Variants in DGKB observed in about 807,000 individuals in gnomAD.
DGKB encodes diacylglycerol kinase beta.
A neutral mutation model predicts 114.3 loss-of-function variants in DGKB; 67 were observed. The ratio of observed to expected loss-of-function variants is 0.59; its 90% CI spans 0.48 to 0.72. DGKB has a LOEUF of 0.72. Ranked by LOEUF, DGKB falls within the 30% of genes least tolerant of loss-of-function variation. DGKB has a pLI of 0.00. For missense variants in DGKB, 907 were observed against 975.2 expected (o/e 0.93, Z 0.93); for synonymous variants, 398 against 323.1 (o/e 1.23, Z -2.49).
intron 1 of DGKB, among the ~76,000 whole-genome samples, chr7:14,968,855 G>T (rs1036504116): frequency 1.5e-4 from 23 of 152,222 alleles, no homozygotes; most frequent in African/African-American, 4.8e-4. Context: ...CCATACATTT[G>T]CATCATGCAA....
chr7:14,973,637 CA>C (rs1336173814), intron 1 of DGKB, among the ~76,000 whole-genome samples: 1 of 148,828 alleles, frequency 6.7e-6, no homozygotes, highest in Non-Finnish European at 1.5e-5. Context: ...TCTCTAGCAC[CA>C]AATTATGCAT....
chr7:14,277,819 T>C (rs1799257960), intron 23 of DGKB, among the ~76,000 whole-genome samples: 1 of 152,214 alleles, frequency 6.6e-6, no homozygotes, highest in African/African-American at 2.4e-5. Context: ...AGTAGTTCTA[T>C]TTTTATTTTT....
At chr7:14,393,847 T>C (rs745964571) in intron 21 of DGKB, among the ~76,000 whole-genome samples, 3 of 152,198 alleles carry the variant, frequency 2.0e-5, no homozygotes, top group Non-Finnish European at 2.9e-5. Context: ...GCAACCTCTC[T>C]GAACTGATGT....
intron 23 of DGKB, among the ~76,000 whole-genome samples, chr7:14,332,765 G>GT (rs1246062636): frequency 6.6e-6 from 1 of 152,110 alleles, no homozygotes; most frequent in East Asian, 1.9e-4. Context: ...TCCTTGCTGG[G>GT]TTTTGGGAAA....
chr7:14,728,009 C>G (rs1284519485), intron 5 of DGKB, among the ~76,000 whole-genome samples: 1 of 152,202 alleles, frequency 6.6e-6, no homozygotes, highest in Non-Finnish European at 1.5e-5. Flanking sequence ...TCCTGACAGA[C>G]ATTTTCCTTT....
At chr7:14,728,162 G>C (rs932568870) in intron 5 of DGKB, among the ~76,000 whole-genome samples, 3 of 152,154 alleles carry the variant, frequency 2.0e-5, no homozygotes, top group African/African-American at 7.2e-5. Context: ...CAAGCAATGG[G>C]AGAGTTGGGG....
chr7:14,455,974 C>T (rs553205225), intron 21 of DGKB, among the ~76,000 whole-genome samples: 21 of 151,804 alleles, frequency 1.4e-4, no homozygotes, highest in Non-Finnish European at 2.4e-4. Flanking sequence ...ATGTATACAC[C>T]GTATACAGGT....
chr7:14,522,436 T>C (rs553941302), intron 20 of DGKB, among the ~76,000 whole-genome samples: 20 of 152,288 alleles, frequency 1.3e-4, no homozygotes, highest in African/African-American at 4.8e-4. Context: ...ACTGATGCAC[T>C]GAATGCACCA....
intron 1 of DGKB, among the ~76,000 whole-genome samples, chr7:14,971,546 G>A (rs1787467826): frequency 1.3e-5 from 2 of 151,802 alleles, no homozygotes; most frequent in Non-Finnish European, 2.9e-5. Flanking sequence ...ATATTCTAAC[G>A]GCAAGACAGT....
At chr7:14,938,548 T>C (rs530675126) in intron 1 of DGKB, among the ~76,000 whole-genome samples, 30 of 152,278 alleles carry the variant, frequency 2.0e-4, no homozygotes, top group South Asian at 1.7e-3. Flanking sequence ...GGGACCACAT[T>C]TTATCAAGAA....
chr7:14,815,258 C>G (rs946088477), intron 2 of DGKB: 20 of 152,196 alleles, frequency 1.3e-4, no homozygotes, highest in African/African-American at 4.6e-4. Context: ...AAGTCTGCAT[C>G]CAGCGCATCC....
intron 2 of DGKB, among the ~76,000 whole-genome samples, chr7:14,829,582 A>C (rs1322209462): frequency 6.6e-6 from 1 of 152,076 alleles, no homozygotes; most frequent in Non-Finnish European, 1.5e-5. Context: ...ATCAGTGAAC[A>C]CTTTAGGAAT....
At chr7:14,772,555 A>C (rs1837574300) in intron 2 of DGKB, among the ~76,000 whole-genome samples, 1 of 152,170 alleles carries the variant, frequency 6.6e-6, no homozygotes, top group Non-Finnish European at 1.5e-5. Flanking sequence ...GAAAGCATGC[A>C]TATTTGATGA....
At chr7:14,232,599 C>T (rs1169837469) in intron 23 of DGKB, among the ~76,000 whole-genome samples, 1 of 151,898 alleles carries the variant, frequency 6.6e-6, no homozygotes, top group Admixed American at 6.6e-5. Flanking sequence ...GTGATTCCAT[C>T]TTAAACTACC....
At chr7:14,500,445 G>A (rs1350189596) in intron 20 of DGKB, among the ~76,000 whole-genome samples, 1 of 150,224 alleles carries the variant, frequency 6.7e-6, no homozygotes, top group African/African-American at 2.5e-5. Flanking sequence ...TTTAAGATAA[G>A]AAAATGAACC....
intron 1 of DGKB, among the ~76,000 whole-genome samples, chr7:14,899,732 G>T (rs1223748012): frequency 6.6e-6 from 1 of 152,082 alleles, no homozygotes; most frequent in African/African-American, 2.4e-5. Flanking sequence ...AATGCAGGTG[G>T]ATTCCAGTTT....
At chr7:14,329,803 T>C (rs761873585) in intron 23 of DGKB, among the ~76,000 whole-genome samples, 5 of 152,140 alleles carry the variant, frequency 3.3e-5, no homozygotes, top group Non-Finnish European at 4.4e-5. Flanking sequence ...GAAGGTATAC[T>C]CTACATGTGT....
chr7:14,246,670 T>C (rs1050991771), intron 23 of DGKB, among the ~76,000 whole-genome samples: 1 of 152,298 alleles, frequency 6.6e-6, no homozygotes, highest in South Asian at 2.1e-4. Flanking sequence ...GATTTATTTA[T>C]CACCCCTCCA....
At chr7:14,691,436 G>T (rs1822845011) in intron 9 of DGKB, among the ~76,000 whole-genome samples, 1 of 152,104 alleles carries the variant, frequency 6.6e-6, no homozygotes, top group South Asian at 2.1e-4. Flanking sequence ...ATAGATTCAT[G>T]GATCAAATTC....
Sources: allele counts gnomAD v4.1 joint callset (sites outside exome capture counted in the v4.1 genomes callset), GRCh38; gene constraint gnomAD v4.1.1; transcripts MANE v1.5; gene names NCBI Gene and HGNC (gene_info 2026-07-23, HGNC 2026-07-21).